The following KIF13B variants were observed in gnomAD, a reference collection of about 807,000 sequenced individuals.
KIF13B encodes kinesin family member 13B.
Under a neutral mutation model 222.0 loss-of-function variants are expected in KIF13B, and 127 were observed. The observed-to-expected ratio is 0.57, with a 90% CI of 0.50 to 0.66. KIF13B has a LOEUF of 0.66. Among genes scored for constraint, KIF13B ranks in the 30% least tolerant of loss-of-function variants. KIF13B has a pLI of 0.00. For missense variants in KIF13B, 2,173 were observed against 2,379.0 expected, an observed-to-expected ratio of 0.91 and a Z score of 1.80; for synonymous variants, 976 against 919.0, an observed-to-expected ratio of 1.06 and a Z score of -1.12.
chr8:29,126,419 G>A, intron 26 of KIF13B, 63 bp downstream of exon 26: 1 of 1,041,654 alleles, frequency 9.6e-7, no homozygotes. Flanking sequence ...CCAGATCCAG[G>A]AATGTGTAAT....
At chr8:29,178,803 T>C (rs1424755941) in intron 8 of KIF13B, among the ~76,000 whole-genome samples, 2 of 152,156 alleles carry the variant, frequency 1.3e-5, no homozygotes, top group African/African-American at 2.4e-5. Flanking sequence ...TGCCAAAATA[T>C]AGCACTTTGC....
intron 2 of KIF13B, among the ~76,000 whole-genome samples, chr8:29,197,840 A>G (rs1366520104): frequency 2.0e-5 from 3 of 152,250 alleles, no homozygotes; most frequent in Non-Finnish European, 4.4e-5. Context: ...CACTTACATA[A>G]TAACAGGGCA....
At chr8:29,098,573 A>G (rs1808645746) in intron 36 of KIF13B, among the ~76,000 whole-genome samples, 1 of 150,844 alleles carries the variant, frequency 6.6e-6, no homozygotes, top group African/African-American at 2.4e-5. Flanking sequence ...ACTGGACTCC[A>G]GCCTGGGTGA....
chr8:29,226,413 C>T (rs986170141), intron 2 of KIF13B, among the ~76,000 whole-genome samples: 1 of 152,148 alleles, frequency 6.6e-6, no homozygotes, highest in African/African-American at 2.4e-5. Flanking sequence ...TTTTACTGGG[C>T]GGGTTCAGAT....
chr8:29,234,519 G>C (rs1815421382), intron 2 of KIF13B, among the ~76,000 whole-genome samples: 1 of 147,848 alleles, frequency 6.8e-6, no homozygotes, highest in African/African-American at 2.5e-5. Context: ...GGGAGGAATG[G>C]GGATCTCGTA....
chr8:29,261,375 G>A (rs967560508), intron 1 of KIF13B, among the ~76,000 whole-genome samples: 15 of 152,236 alleles, frequency 9.9e-5, no homozygotes, highest in Admixed American at 5.9e-4. Context: ...TGGGGAAAGG[G>A]AGAGGGAAAG....
intron 2 of KIF13B, among the ~76,000 whole-genome samples, chr8:29,198,075 TG>T (rs1386737501): frequency 5.3e-5 from 8 of 152,210 alleles, no homozygotes; most frequent in Non-Finnish European, 7.3e-5. Flanking sequence ...AATACTTATT[TG>T]TATCAAGTGA....
At chr8:29,140,447 A>C in intron 20 of KIF13B, 21 bp downstream of exon 20, 1 of 1,607,240 alleles carries the variant, frequency 6.2e-7, no homozygotes, top group South Asian at 1.1e-5. Flanking sequence ...ACAGGAAACA[A>C]GGCATGAAGA....
rs13280263 is a variant in KIF13B, at chr8:29,257,820, T to A, written c.55+5160A>T. ...GAGGGAGACCCTGTCTCAAAAAAAA[T>A]AAATAAATAAAAACAAAGAAACCAA... On this transcript the variant is annotated intron_variant, in intron 1 of 39. Coordinates refer to ENST00000524189, the MANE Select transcript of KIF13B (RefSeq NM_015254.4). Among the ~76,000 whole-genome samples the A allele has an allele frequency of 1.7e-4, 26 of 151,804 alleles. No homozygotes were observed. In the South Asian group the frequency reaches 2.5e-3, roughly 15 times the overall value.
chr8:29,100,838 T>C (rs1421625690), intron 35 of KIF13B, among the ~76,000 whole-genome samples: 1 of 152,322 alleles, frequency 6.6e-6, no homozygotes, highest in Admixed American at 6.5e-5. Flanking sequence ...AAGGGCCTCT[T>C]AGGTTTCAGA....
intron 2 of KIF13B, among the ~76,000 whole-genome samples, chr8:29,208,611 C>T (rs373944662): frequency 5.9e-5 from 9 of 152,306 alleles, no homozygotes; most frequent in African/African-American, 2.2e-4. Context: ...TGTTCTAGGT[C>T]AGCGTTGGCT....
At chr8:29,243,276 G>A (rs890460159) in intron 2 of KIF13B, among the ~76,000 whole-genome samples, 2 of 151,578 alleles carry the variant, frequency 1.3e-5, no homozygotes, top group African/African-American at 4.9e-5. Flanking sequence ...GAACCTGGTG[G>A]GGCGGAGGTT....
At chr8:29,243,797 T>C (rs1430036413) in intron 2 of KIF13B, among the ~76,000 whole-genome samples, 3 of 152,238 alleles carry the variant, frequency 2.0e-5, no homozygotes, top group African/African-American at 7.2e-5. Context: ...TTCATCAAGC[T>C]ATACATTTTG....
intron 35 of KIF13B, among the ~76,000 whole-genome samples, chr8:29,100,420 T>C (rs1808734615): frequency 6.6e-6 from 1 of 152,198 alleles, no homozygotes; most frequent in African/African-American, 2.4e-5. Flanking sequence ...TCGTGTGCAA[T>C]ATGAGTTTGA....
At chr8:29,075,476 G>T in intron 37 of KIF13B, 133 bp from the exon 38 acceptor site, 1 of 721,508 alleles carries the variant, frequency 1.4e-6, no homozygotes, top group South Asian at 1.9e-5. Context: ...AGTGTGAGGG[G>T]CTCCACACCC....
chr8:29,200,745 G>C (rs1813657936), intron 2 of KIF13B, among the ~76,000 whole-genome samples: 1 of 152,126 alleles, frequency 6.6e-6, no homozygotes, highest in Non-Finnish European at 1.5e-5. Context: ...TCCAACCTGG[G>C]GCACTTTGTC....
chr8:29,229,354 A>G (rs1298921308), intron 2 of KIF13B, among the ~76,000 whole-genome samples: 1 of 152,206 alleles, frequency 6.6e-6, no homozygotes, highest in Non-Finnish European at 1.5e-5. Context: ...CTGTTCTGCC[A>G]CTTTCTGATC....
upstream of KIF13B, chr8:29,263,173 G>A (rs1816755612): frequency 5.4e-5 from 39 of 720,350 alleles, 1 homozygote; most frequent in South Asian, 6.8e-4. Flanking sequence ...CGCGAGCTCC[G>A]GGCGCTCCCC....
chr8:29,240,018 A>G (rs942552688), intron 2 of KIF13B, among the ~76,000 whole-genome samples: 53 of 151,720 alleles, frequency 3.5e-4, no homozygotes, highest in Non-Finnish European at 5.2e-4. Context: ...AAAAGAAAAA[A>G]AAAAGAAACA....
Sources: gnomAD v4.1 joint callset for allele counts (sites outside exome capture counted in the v4.1 genomes callset) on GRCh38, gnomAD v4.1.1 for gene constraint, MANE v1.5 for transcripts, NCBI Gene and HGNC (gene_info 2026-07-23, HGNC 2026-07-21) for gene names.